The following CYB5R4 variants were observed in gnomAD, a reference collection of about 807,000 sequenced individuals.
CYB5R4 encodes the protein cytochrome b5 reductase 4.
In CYB5R4, 55 loss-of-function variants were observed where a neutral mutation model predicts 70.2. The observed-to-expected ratio is 0.78, with a 90% confidence interval of 0.63 to 0.98. CYB5R4 has a LOEUF of 0.98. Ranked by LOEUF, CYB5R4 falls within the 50% of genes least tolerant of loss-of-function variation. The pLI, the probability that CYB5R4 is intolerant of heterozygous loss-of-function variation, is 0.00. For missense variants in CYB5R4, 562 were observed against 612.6 expected, an observed-to-expected ratio of 0.92 and a Z score of 0.87; for synonymous variants, 197 against 199.5, an observed-to-expected ratio of 0.99 and a Z score of 0.11.
intron 9 of CYB5R4, 28 bp downstream of exon 9, chr6:83,922,498 T>A: frequency 6.3e-7 from 1 of 1,575,372 alleles, no homozygotes; most frequent in Non-Finnish European, 8.7e-7. Context: ...AAAAATTATG[T>A]ATGTACGTAC....
At chr6:83,941,668 C>T (rs977806603) in intron 14 of CYB5R4, among the ~76,000 whole-genome samples, 3 of 152,122 alleles carry the variant, frequency 2.0e-5, no homozygotes, top group Admixed American at 2.0e-4. Context: ...TAATAAATGA[C>T]TTTCAAAATT....
intron 10 of CYB5R4, among the ~76,000 whole-genome samples, chr6:83,931,734 T>C (rs1018832786): frequency 1.3e-5 from 2 of 151,700 alleles, no homozygotes; most frequent in African/African-American, 4.8e-5. Flanking sequence ...AGTTAGATAA[T>C]GGCATTGTGC....
chr6:83,938,929 G>A (rs1245862904), intron 12 of CYB5R4, among the ~76,000 whole-genome samples: 1 of 151,906 alleles, frequency 6.6e-6, no homozygotes, highest in African/African-American at 2.4e-5. Flanking sequence ...CCGCCTCTCG[G>A]GTTCAAGCGA....
chr6:83,872,877 G>A (rs2099457859), intron 2 of CYB5R4, among the ~76,000 whole-genome samples: 1 of 152,212 alleles, frequency 6.6e-6, no homozygotes, highest in Non-Finnish European at 1.5e-5. Context: ...ATGACAGGGA[G>A]TAGTTCCCTG....
intron 10 of CYB5R4, among the ~76,000 whole-genome samples, chr6:83,929,055 C>T (rs2099467754): frequency 6.6e-6 from 1 of 152,104 alleles, no homozygotes. Context: ...GAAGGTTTTC[C>T]ACTTTGGAAA....
At chr6:83,945,707 C>A (rs993002324) in intron 14 of CYB5R4, among the ~76,000 whole-genome samples, 3 of 151,896 alleles carry the variant, frequency 2.0e-5, no homozygotes, top group Non-Finnish European at 2.9e-5. Context: ...AGAGAAGAAT[C>A]AAATAGATAC....
intron 2 of CYB5R4, among the ~76,000 whole-genome samples, chr6:83,877,373 A>G (rs1326131283): frequency 2.0e-5 from 3 of 152,160 alleles, no homozygotes; most frequent in Middle Eastern, 6.8e-3. Flanking sequence ...TTATGTTGCT[A>G]TAAAGGAATG....
chr6:83,966,887 G>T lies in CYB5R4; in HGVS notation c.*7009G>T, dbSNP rs2099474171. ...AAATTAATGTTGAAAGAGCACCAGA[G>T]AGTATACATCCAAAAAGACCAACAT... On this transcript the variant is annotated 3_prime_UTR_variant, in exon 16 of 16. Transcript: ENST00000369681. 1 of 152,046 alleles carries T rather than the reference G, an allele frequency of 6.6e-6. No homozygotes were observed. Among genetic ancestry groups the T allele is most frequent in the South Asian group, 2.1e-4 (1 of 4,830 alleles). The allele number at this position is 152,046 out of a possible 1,614,324, so 9.4% of individuals were successfully genotyped here.
chr6:83,901,579 C>T (rs1035084101), intron 3 of CYB5R4, among the ~76,000 whole-genome samples: 7 of 152,126 alleles, frequency 4.6e-5, no homozygotes, highest in East Asian at 1.9e-4. Context: ...CCATTCTCCC[C>T]GTCACTTTCA....
At chr6:83,899,357 T>G (rs1475069506) in intron 3 of CYB5R4, among the ~76,000 whole-genome samples, 4 of 152,186 alleles carry the variant, frequency 2.6e-5, no homozygotes, top group African/African-American at 9.7e-5. Flanking sequence ...TGCTGCTGGA[T>G]TTGGTTTGCC....
chr6:83,949,059 A>T (rs1328232150), intron 14 of CYB5R4, among the ~76,000 whole-genome samples: 1 of 148,378 alleles, frequency 6.7e-6, no homozygotes, highest in Non-Finnish European at 1.5e-5. Flanking sequence ...TGCTTGAGGC[A>T]CTGACTCCTA....
At chr6:83,913,661 T>A (rs1208712091) in intron 4 of CYB5R4, among the ~76,000 whole-genome samples, 4 of 152,178 alleles carry the variant, frequency 2.6e-5, no homozygotes, top group African/African-American at 9.6e-5. Context: ...TTTAAATACG[T>A]TAGTTTCTTT....
At chr6:83,888,696 G>T (rs1318581106) in intron 2 of CYB5R4, among the ~76,000 whole-genome samples, 1 of 152,052 alleles carries the variant, frequency 6.6e-6, no homozygotes, top group East Asian at 1.9e-4. Context: ...CCCTACATTG[G>T]CCTCTGAGTG....
At chr6:83,919,760 C>CTG (rs58002492) in intron 7 of CYB5R4, among the ~76,000 whole-genome samples, 12,248 of 141,966 alleles carry the variant, frequency 0.086, 533 homozygotes, top group African/African-American at 0.13. Flanking sequence ...ATGTGTTTTT[C>CTG]TGTGTGTGTG....
chr6:83,888,115 C>G (rs1288517572), intron 2 of CYB5R4, among the ~76,000 whole-genome samples: 1 of 152,074 alleles, frequency 6.6e-6, no homozygotes, highest in Non-Finnish European at 1.5e-5. Context: ...ATTGGATGCT[C>G]AGATCTGCCA....
At chr6:83,900,295 C>T (rs4292498) in intron 3 of CYB5R4, among the ~76,000 whole-genome samples, 23,324 of 152,036 alleles carry the variant, frequency 0.15, 3,500 homozygotes, top group African/African-American at 0.37. Flanking sequence ...GTTTCTTAAT[C>T]CTGAGTTCTA....
intron 15 of CYB5R4, among the ~76,000 whole-genome samples, chr6:83,959,405 G>A (rs2099472960): frequency 6.6e-6 from 1 of 152,114 alleles, no homozygotes; most frequent in East Asian, 1.9e-4. Flanking sequence ...GAATACCACA[G>A]GGATGTAGAA....
intron 2 of CYB5R4, among the ~76,000 whole-genome samples, chr6:83,871,420 CCT>C (rs1216307571): frequency 1.3e-5 from 2 of 151,940 alleles, no homozygotes; most frequent in Middle Eastern, 3.2e-3. Flanking sequence ...TTACTTTTAC[CCT>C]GTCTTTATCT....
At chr6:83,863,811 T>C (rs1485074406) in intron 1 of CYB5R4, among the ~76,000 whole-genome samples, 1 of 152,250 alleles carries the variant, frequency 6.6e-6, no homozygotes. Context: ...TTAGGTATTA[T>C]TAGTAATCTA....
Sources: allele counts gnomAD v4.1 joint callset (sites outside exome capture counted in the v4.1 genomes callset), GRCh38; gene constraint gnomAD v4.1.1; transcripts MANE v1.5; gene names NCBI Gene and HGNC (gene_info 2026-07-23, HGNC 2026-07-21).